Variants in HLA-DQB2 observed in about 807,000 individuals in gnomAD.
HLA-DQB2 encodes HLA class II histocompatibility antigen, DQ beta 2 chain.
In HLA-DQB2, 24 loss-of-function variants were observed where a neutral mutation model predicts 29.2. The observed-to-expected ratio is 0.82, with a 90% CI of 0.60 to 1.16. HLA-DQB2 has a LOEUF of 1.16. Ranked by LOEUF, HLA-DQB2 falls within the 50% of genes most tolerant of loss-of-function variation. HLA-DQB2 has a pLI of 0.00. For missense variants in HLA-DQB2, 273 were observed against 343.6 expected (o/e 0.79, Z 1.62); for synonymous variants, 104 against 133.1 (o/e 0.78, Z 1.51).
At chr6:32,762,118 C>G (rs1020690816) in intron 1 of HLA-DQB2, among the ~76,000 whole-genome samples, 192 bp from the exon 2 acceptor site, 3 of 152,222 alleles carry the variant, frequency 2.0e-5, no homozygotes, top group African/African-American at 7.2e-5. Context: ...TCTGCCCCAG[C>G]CCTGCCCGCC....
intron 4 of HLA-DQB2, among the ~76,000 whole-genome samples, chr6:32,757,509 A>G (rs9276568): frequency 6.6e-6 from 1 of 150,874 alleles, no homozygotes; most frequent in Non-Finnish European, 1.5e-5. Flanking sequence ...TCTGACCCTC[A>G]TAATGGAGGA....
intron 2 of HLA-DQB2, among the ~76,000 whole-genome samples, chr6:32,759,802 A>G (rs541565036): frequency 0.11 from 11,324 of 98,550 alleles, no homozygotes; most frequent in Middle Eastern, 0.16. Context: ...TCTGAGATCC[A>G]TGCAGAGGTT....
chr6:32,756,368 GAC>G lies in HLA-DQB2; in HGVS notation c.*83_*84del. On this transcript the variant is annotated 3_prime_UTR_variant, in exon 6 of 6. Coordinates refer to ENST00000437316, the MANE Select transcript of HLA-DQB2 (RefSeq NM_001300790.2). ...GACTCTGACCTCAGTGGGACAGGGTGACACAGGCAGCTAGGAATTCTGGGCAG... is the reference window on the plus strand; with the variant it reads ...GACTCTGACCTCAGTGGGACAGGGTGACAGGCAGCTAGGAATTCTGGGCAG... 1 of 862,384 alleles carries G rather than the reference GAC, an allele frequency of 1.2e-6. No individual in the cohort carries two copies. The highest frequency in any genetic ancestry group is 2.5e-5 in the East Asian group (1 of 39,400). The allele number at this position is 862,384 out of a possible 1,614,324, so 53.4% of individuals were successfully genotyped here.
chr6:32,758,884 G>A lies in HLA-DQB2; in HGVS notation c.612C>T (p.His204=), dbSNP rs1764509562. ...CGGTGATGGGGCTCTGGAGGCTGGG[G>A]TGCTCCACTTGGCAGGTGTAGATGT... ...RGDIYTCQVE[H]PSLQSPITVE... is the part of the protein sequence containing the mutation. Residue 204 remains histidine, a synonymous_variant, in exon 3 of 6, where the codon CAC becomes CAT. Transcript: ENST00000437316. The A allele has an allele frequency of 3.1e-6, 5 of 1,613,954 alleles. No homozygotes were observed. The highest frequency in any genetic ancestry group is 4.2e-6 in the Non-Finnish European group (5 of 1,180,018).
At chr6:32,758,687 A>G (rs1764488806) in intron 3 of HLA-DQB2, among the ~76,000 whole-genome samples, 163 bp downstream of exon 3, 1 of 152,224 alleles carries the variant, frequency 6.6e-6, no homozygotes, top group Admixed American at 6.5e-5. Flanking sequence ...AGAGATCAGG[A>G]TTCATCTGAT....
intron 2 of HLA-DQB2, 39 bp from the exon 3 acceptor site, chr6:32,759,170 G>T (rs762222545): frequency 3.8e-6 from 6 of 1,599,818 alleles, no homozygotes; most frequent in Non-Finnish European, 8.5e-7. Flanking sequence ...ATAGGAGTGA[G>T]ATGTGAGACC....
chr6:32,760,469 T>G (rs1764686433), intron 2 of HLA-DQB2, among the ~76,000 whole-genome samples: 2 of 152,218 alleles, frequency 1.3e-5, no homozygotes, highest in African/African-American at 2.4e-5. Flanking sequence ...ATATATAAAG[T>G]GGCAATGCTA....
Position 32,757,913 on chromosome 6 carries a change from G to A in HLA-DQB2, c.647-30C>T, listed in dbSNP as rs1355830470. The A allele has an allele frequency of 3.2e-6, 5 of 1,581,778 alleles. No individual in the cohort carries two copies. In the Admixed American group the frequency reaches 6.9e-5, roughly 22 times the overall value. ...GGAGCAGAACTGAGTGTGAGTGTTT[G>A]TCCCCACACCCCATAATGTCCTTGG... On this transcript the variant is annotated intron_variant, in intron 3 of 5. Coordinates refer to ENST00000437316, the MANE Select transcript of HLA-DQB2 (RefSeq NM_001300790.2).
intron 5 of HLA-DQB2, 21 bp downstream of exon 5, chr6:32,757,260 G>A: frequency 1.3e-6 from 2 of 1,550,454 alleles, no homozygotes; most frequent in Non-Finnish European, 1.7e-6. Context: ...TCCCCTGACT[G>A]GATCATGGCT....
intron 1 of HLA-DQB2, 92 bp from the exon 2 acceptor site, chr6:32,762,018 C>A: frequency 1.3e-6 from 2 of 1,493,668 alleles, no homozygotes; most frequent in Non-Finnish European, 1.8e-6. Flanking sequence ...TGCCCTGACC[C>A]GGCCAGCAGC....
At chr6:32,761,972 G>A (rs976312404) in intron 1 of HLA-DQB2, 46 bp from the exon 2 acceptor site, 3 of 1,568,340 alleles carry the variant, frequency 1.9e-6, no homozygotes, top group African/African-American at 1.4e-5. Context: ...CACGGCCCTA[G>A]CCCCAGCCCC....
Position 32,761,871 on chromosome 6 carries a change from G to T in HLA-DQB2, c.153C>A (p.Arg51=). 1 of 1,612,252 alleles carries T rather than the reference G, an allele frequency of 6.2e-7. No homozygotes were observed. Among genetic ancestry groups the T allele is most frequent in the Non-Finnish European group, 8.5e-7 (1 of 1,179,276 alleles). The change falls in exon 2 of 6, where the codon CGC becomes CGA. Residue 51 remains arginine (R), a synonymous_variant. Transcript: ENST00000437316. The stretch of plus-strand genomic sequence containing the variant: ...AGATGTATCTGGCCACACCGCGCAC[G>T]CGCTCTGTCCCGTTGGTGAAGTAGC... ...GMCYFTNGTE[R]VRGVARYIYN...
intron 2 of HLA-DQB2, among the ~76,000 whole-genome samples, chr6:32,760,948 G>C (rs202242820): frequency 7.1e-6 from 1 of 141,400 alleles, no homozygotes; most frequent in African/African-American, 2.6e-5. Flanking sequence ...CTAAGTGGAT[G>C]GGCAGCTGAG....
chr6:32,762,008 T>C, intron 1 of HLA-DQB2, 82 bp from the exon 2 acceptor site: 1 of 1,521,738 alleles, frequency 6.6e-7, no homozygotes, highest in Non-Finnish European at 8.9e-7. Context: ...CTTCAGCCGC[T>C]GCCCTGACCC....
At chr6:32,759,819 G>A (rs2113937619) in intron 2 of HLA-DQB2, among the ~76,000 whole-genome samples, 2 of 152,356 alleles carry the variant, frequency 1.3e-5, no homozygotes, top group South Asian at 4.1e-4. Flanking sequence ...GGTTGGCCTG[G>A]GTGAATGTGC....
chr6:32,763,526 A>C lies in HLA-DQB2; in HGVS notation c.-56T>G. ...AGCAGTGGTAGTCAACACAGCTCAAACCTAATGGATCTTATGTACCTGCCG... is the reference window on the plus strand; with the variant it reads ...AGCAGTGGTAGTCAACACAGCTCAACCCTAATGGATCTTATGTACCTGCCG... On this transcript the variant is annotated 5_prime_UTR_variant, in exon 1 of 6. Coordinates refer to ENST00000437316, the MANE Select transcript of HLA-DQB2 (RefSeq NM_001300790.2). 9.0e-7 allele frequency: 1 copy of C among 1,110,316 alleles called. No homozygotes were observed. Among genetic ancestry groups the C allele is most frequent in the South Asian group, 1.3e-5 (1 of 75,258 alleles). 68.8% of individuals were successfully genotyped at this position (1,110,316 alleles called of 1,614,324 possible). A position where few individuals can be genotyped will look rare whatever the true frequency, so the allele number is the denominator to read the frequency against.
Position 32,758,933 on chromosome 6 carries a change from A to T in HLA-DQB2, c.563T>A (p.Leu188Gln). Residue 188 changes from leucine (L) to glutamine (Q), a missense_variant, in exon 3 of 6, where the codon CTG (leucine) becomes CAG (glutamine). Leu to Gln is a moderately radical substitution (Grantham distance 113, BLOSUM62 -2). Transcript: ENST00000437316. ...GTCTCCACGCTGGGGAGTTATTTCCAGCATCACCAGAATCTGGAAGGTCCA... is the reference window on the plus strand; with the variant it reads ...GTCTCCACGCTGGGGAGTTATTTCCTGCATCACCAGAATCTGGAAGGTCCA... ...GDWTFQILVMLEITPQRGDIY... is the reference protein window; with the variant it reads ...GDWTFQILVMQEITPQRGDIY... The T allele has an allele frequency of 6.2e-7, 1 of 1,614,212 alleles. No individual in the cohort carries two copies. Among genetic ancestry groups the T allele is most frequent in the East Asian group, 2.2e-5 (1 of 44,892 alleles).
At chr6:32,763,084 T>A (rs1473467267) in intron 1 of HLA-DQB2, among the ~76,000 whole-genome samples, 1 of 151,448 alleles carries the variant, frequency 6.6e-6, no homozygotes, top group Non-Finnish European at 1.5e-5. Context: ...TGCATAACCG[T>A]GGAGTGCCAT....
Position 32,756,262 on chromosome 6 carries a change from C to G in HLA-DQB2, c.*191G>C, listed in dbSNP as rs1323306094. 2 of 610,482 alleles carry G rather than the reference C, an allele frequency of 3.3e-6. No homozygotes were observed. Among genetic ancestry groups the G allele is most frequent in the South Asian group, 2.0e-5 (1 of 49,066 alleles). The allele number at this position is 610,482 out of a possible 1,614,324, so 37.8% of individuals were successfully genotyped here. ...CAGTGCACAGGCAGAGGCTCTGGGT[C>G]AGTGCAGGAAGCAGAGTCACCACCA... On this transcript the variant is annotated 3_prime_UTR_variant, in exon 6 of 6. Coordinates refer to ENST00000437316, the MANE Select transcript of HLA-DQB2 (RefSeq NM_001300790.2).
Sources: gnomAD v4.1 joint callset for allele counts (sites outside exome capture counted in the v4.1 genomes callset) on GRCh38, gnomAD v4.1.1 for gene constraint, MANE v1.5 for transcripts, NCBI Gene and HGNC (gene_info 2026-07-23, HGNC 2026-07-21) for gene names.